Variants in GPR35 observed in about 807,000 individuals in gnomAD.
The protein encoded by GPR35 is KYNA receptor.
For missense variants in GPR35, 372 were observed against 422.5 expected (o/e 0.88, Z 1.05); for synonymous variants, 207 against 198.4 (o/e 1.04, Z -0.36).
intron 2 of GPR35, among the ~76,000 whole-genome samples, chr2:240,614,486 G>A (rs1575461681): frequency 6.6e-6 from 1 of 152,206 alleles, no homozygotes; most frequent in African/African-American, 2.4e-5. Context: ...CCCAGGCCTT[G>A]GTTTCCCCAC....
At chr2:240,617,891 A>G (rs1037831573) in intron 4 of GPR35, among the ~76,000 whole-genome samples, 5 of 152,246 alleles carry the variant, frequency 3.3e-5, no homozygotes, top group South Asian at 2.1e-4. Flanking sequence ...ATAAGAAGAC[A>G]TTCCAGAATT....
At chr2:240,612,918 T>C (rs1350139457) in intron 2 of GPR35, among the ~76,000 whole-genome samples, 1 of 152,088 alleles carries the variant, frequency 6.6e-6, no homozygotes, top group Non-Finnish European at 1.5e-5. Flanking sequence ...GCTCACAGAG[T>C]CACTGTCCCC....
Position 240,630,478 on chromosome 2 carries a change from C to G in GPR35, c.526C>G (p.Pro176Ala). Residue 176 changes from proline to alanine, a missense_variant, in exon 2 of 2, where the codon CCG becomes GCG. Transcript: ENST00000407714. ...GCACAATTTCAACTCCATGGCGTTC[C>G]CGCTGCTGGGATTCTACCTGCCCCT... ...TRHNFNSMAF[P>A]LLGFYLPLAV... The G allele has an allele frequency of 6.2e-7, 1 of 1,612,950 alleles. No individual in the cohort carries two copies. The highest frequency in any genetic ancestry group is 8.5e-7 in the Non-Finnish European group (1 of 1,179,968).
intron 2 of GPR35, among the ~76,000 whole-genome samples, chr2:240,610,305 T>C (rs1334765927): frequency 6.6e-6 from 1 of 152,230 alleles, no homozygotes; most frequent in African/African-American, 2.4e-5. Flanking sequence ...TACTAAAGTC[T>C]ACTTTGATGT....
Position 240,631,026 on chromosome 2 carries a change from A to T in GPR35, c.*144A>T. ...CTCTTGGAGCCTTGGGTGGGCAGGG[A>T]CGGCCCAGGTACCTGCTCTCTTGGG... On this transcript the variant is annotated 3_prime_UTR_variant, in exon 2 of 2. Transcript: ENST00000407714. 2 of 688,402 alleles carry T rather than the reference A, an allele frequency of 2.9e-6. No homozygotes were observed. Among genetic ancestry groups the T allele is most frequent in the East Asian group, 2.7e-5 (1 of 36,904 alleles). 42.6% of individuals were successfully genotyped at this position (688,402 alleles called of 1,614,324 possible).
At chr2:240,616,943 A>G (rs1388604366) in intron 3 of GPR35, 1 of 773,310 alleles carries the variant, frequency 1.3e-6, no homozygotes, top group Non-Finnish European at 2.4e-6. Flanking sequence ...TCCTCAGGCC[A>G]GCTGCCCATT....
At chr2:240,619,253 G>C (rs1174942715) in intron 5 of GPR35, among the ~76,000 whole-genome samples, 1 of 152,108 alleles carries the variant, frequency 6.6e-6, no homozygotes, top group Admixed American at 6.5e-5. Flanking sequence ...TTTGATTTGT[G>C]TTTCTCTTTT....
At position 240,609,990 on chromosome 2, in the gene GPR35, C is replaced by T. The variant is rs538649218; in HGVS notation, c.-577+3378C>T. On this transcript the variant is annotated intron_variant, in intron 2 of 5. Transcript: ENST00000319838. ...TTTTTTTTTTTTTGAGATGGAGTCT[C>T]GCTCTGTCAACCAGGCTAGAGTGCA... 4.1e-4 allele frequency among the ~76,000 whole-genome samples: 62 copies of T among 149,922 alleles called. No individual in the cohort carries two copies. In the South Asian group the frequency reaches 0.013, roughly 30 times the overall value.
At chr2:240,611,090 G>A (rs1308684344) in intron 2 of GPR35, among the ~76,000 whole-genome samples, 13 of 151,936 alleles carry the variant, frequency 8.6e-5, no homozygotes, top group African/African-American at 1.5e-4. Flanking sequence ...GTGCCACTAC[G>A]CCCAGCTGTG....
intron 2 of GPR35, among the ~76,000 whole-genome samples, chr2:240,610,249 C>A (rs565046882): frequency 6.6e-6 from 1 of 152,292 alleles, no homozygotes; most frequent in Non-Finnish European, 1.5e-5. Flanking sequence ...TGAGCCAACA[C>A]GCTGGTCCGT....
At chr2:240,629,877 G>C in intron 1 of GPR35, 72 bp from the exon 2 acceptor site, 1 of 1,327,334 alleles carries the variant, frequency 7.5e-7, no homozygotes, top group Non-Finnish European at 1.0e-6. Flanking sequence ...CCCAGAGGTG[G>C]GCAGAGTGGG....
At chr2:240,629,793 G>A (rs554939612) in intron 1 of GPR35, 156 bp from the exon 2 acceptor site, 204 of 629,122 alleles carry the variant, frequency 3.2e-4, no homozygotes, top group Admixed American at 7.1e-4. Flanking sequence ...AGTTCTTTAC[G>A]GCACCCATGC....
intron 5 of GPR35, among the ~76,000 whole-genome samples, chr2:240,620,389 C>A (rs1048543525): frequency 1.3e-5 from 2 of 152,136 alleles, no homozygotes; most frequent in Non-Finnish European, 2.9e-5. Context: ...GAGACGGCCC[C>A]TGAGTGCCCA....
chr2:240,629,566 A>C, intron 1 of GPR35: 1 of 178,208 alleles, frequency 5.6e-6, no homozygotes, highest in Non-Finnish European at 1.2e-5. Flanking sequence ...CCTCCCTGCT[A>C]AGAGCTGTGT....
chr2:240,630,913 C>G lies in GPR35; in HGVS notation c.*31C>G, dbSNP rs771942582. The G allele has an allele frequency of 1.3e-6, 2 of 1,572,218 alleles. No homozygotes were observed. ...GTGCTGTGGGCGCTGTGGGCCAGGT[C>G]TCGGGGGCTCCGGGAGGTGCTGCCT... On this transcript the variant is annotated 3_prime_UTR_variant, in exon 2 of 2. Transcript: ENST00000407714.
chr2:240,631,550 C>A lies in GPR35; in HGVS notation c.*668C>A, dbSNP rs2043449892. ...TGCACAGCGGTGCAAGGGGGGGTGA[C>A]CAAGGTCAAGCAGGTGAGGGTGGGT... On this transcript the variant is annotated 3_prime_UTR_variant, in exon 2 of 2. Transcript: ENST00000407714. Among the ~76,000 whole-genome samples, 1 of 151,848 alleles carries A rather than the reference C, an allele frequency of 6.6e-6. No individual in the cohort carries two copies. Among genetic ancestry groups the A allele is most frequent in the Non-Finnish European group, 1.5e-5 (1 of 67,942 alleles).
chr2:240,609,190 C>T (rs2043161685), intron 2 of GPR35, among the ~76,000 whole-genome samples: 1 of 150,578 alleles, frequency 6.6e-6, no homozygotes, highest in Non-Finnish European at 1.5e-5. Context: ...TATTGATTTT[C>T]GTTTTTTTCT....
At chr2:240,614,839 G>A (rs2043222837) in intron 2 of GPR35, among the ~76,000 whole-genome samples, 1 of 151,982 alleles carries the variant, frequency 6.6e-6, no homozygotes, top group Non-Finnish European at 1.5e-5. Context: ...TGTGTATGTT[G>A]TATGTGTATA....
chr2:240,615,470 C>T (rs2043229125), intron 2 of GPR35, among the ~76,000 whole-genome samples: 1 of 152,226 alleles, frequency 6.6e-6, no homozygotes, highest in African/African-American at 2.4e-5. Flanking sequence ...GTTTGGCCAC[C>T]TTTGGTTTTG....
Sources: allele counts gnomAD v4.1 joint callset (sites outside exome capture counted in the v4.1 genomes callset), GRCh38; gene constraint gnomAD v4.1.1; transcripts MANE v1.5; gene names NCBI Gene and HGNC (gene_info 2026-07-23, HGNC 2026-07-21).